YBEY: variants seen among roughly 807,000 people sequenced by gnomAD.
YBEY encodes the protein ybeY metalloendoribonuclease, also known as endoribonuclease YbeY.
Under a neutral mutation model 13.5 loss-of-function variants are expected in YBEY, and 15 were observed. That is an observed-to-expected ratio of 1.11 (90% confidence interval 0.75 to 1.72). The LOEUF is 1.72. Among genes scored for constraint, YBEY ranks in the 40% most tolerant of loss-of-function variants. The pLI, the probability that YBEY is intolerant of heterozygous loss-of-function variation, is 0.00. For missense variants in YBEY, 244 were observed against 208.4 expected, an observed-to-expected ratio of 1.17 and a Z score of -1.05; for synonymous variants, 101 against 83.1, an observed-to-expected ratio of 1.21 and a Z score of -1.17.
At chr21:46,298,725 G>T (rs369859654), downstream of YBEY, among the ~76,000 whole-genome samples, 1 of 151,296 alleles carries the variant, frequency 6.6e-6, no homozygotes, top group Non-Finnish European at 1.5e-5. Context: ...CACCACGCCC[G>T]GCCTGTTTTG....
chr21:46,294,845 C>T (rs2081896248), intron 3 of YBEY, among the ~76,000 whole-genome samples: 1 of 152,224 alleles, frequency 6.6e-6, no homozygotes, highest in Admixed American at 6.5e-5. Flanking sequence ...GCTGCACAGC[C>T]ATGCCCTGAA....
chr21:46,301,620 C>CT, downstream of YBEY: 3 of 1,035,400 alleles, frequency 2.9e-6, no homozygotes, highest in Non-Finnish European at 3.5e-6. Context: ...TGGATGAAAT[C>CT]TTTATTTCAT....
At chr21:46,297,799 C>G, downstream of YBEY, 1 of 1,221,544 alleles carries the variant, frequency 8.2e-7, no homozygotes, top group South Asian at 4.2e-5. Context: ...GGTTCCGAGC[C>G]GTGGCATCGA....
At chr21:46,298,308 CCT>C (rs1367551903), downstream of YBEY, among the ~76,000 whole-genome samples, 2 of 152,196 alleles carry the variant, frequency 1.3e-5, no homozygotes, top group Admixed American at 6.5e-5. Flanking sequence ...GGGCCAGGCC[CCT>C]CTGTTCCTGA....
At chr21:46,297,872 T>A, downstream of YBEY, 1 of 962,794 alleles carries the variant, frequency 1.0e-6, no homozygotes, top group South Asian at 5.3e-5. Context: ...AGCGCTCGCC[T>A]CTCGCCCTTC....
the YBEY span, among the ~76,000 whole-genome samples, chr21:46,303,734 TATATATATATA>T: frequency 0.017 from 428 of 25,720 alleles, 13 homozygotes; most frequent in Middle Eastern, 0.037. Flanking sequence ...TATATATATA[TATATATATATA>T]TTTTTTTTTT....
the YBEY span, chr21:46,311,704 C>G: frequency 8.5e-6 from 4 of 471,494 alleles, 1 homozygote; most frequent in Non-Finnish European, 1.2e-5. Flanking sequence ...ACCAACCAAC[C>G]AACCAACCAA....
the YBEY span, among the ~76,000 whole-genome samples, chr21:46,302,945 G>A: frequency 3.4e-5 from 5 of 146,608 alleles, no homozygotes; most frequent in African/African-American, 1.3e-4. Context: ...CCCGGGGCGC[G>A]CCCTGAGCCC....
chr21:46,297,585 C>A lies in YBEY; in HGVS notation c.455C>A (p.Thr152Lys). 2 of 1,386,284 alleles carry A rather than the reference C, an allele frequency of 1.4e-6. No homozygotes were observed. Among genetic ancestry groups the A allele is most frequent in the Non-Finnish European group, 9.5e-7 (1 of 1,055,524 alleles). The allele number at this position is 1,386,284 out of a possible 1,614,324, so 85.9% of individuals were successfully genotyped here. ...KAVLDELGRR[T>K]GTRLQPLTRG... ...GTGCTGGACGAGCTGGGCCGACGCA[C>A]GGGGACCCGGCTGCAGCCCCTGACC... Residue 152 changes from threonine (T) to lysine (K), a missense_variant, in exon 5 of 5, where the codon ACG becomes AAG. Physicochemically the swap from Thr to Lys is moderately conservative, Grantham distance 78. Transcript: ENST00000397701.
intron 3 of YBEY, 104 bp from the exon 4 acceptor site, chr21:46,296,058 T>G (rs1051415171): frequency 6.6e-6 from 8 of 1,216,694 alleles, no homozygotes; most frequent in Admixed American, 3.6e-5. Context: ...AACCCTGGGG[T>G]CCTGCAGCCA....
At chr21:46,304,496 A>T in the YBEY span, among the ~76,000 whole-genome samples, 1 of 152,060 alleles carries the variant, frequency 6.6e-6, no homozygotes, top group African/African-American at 2.4e-5. Context: ...TTAGAAAAAA[A>T]AAAACCTCAA....
chr21:46,295,318 T>G (rs1239992671), intron 3 of YBEY, among the ~76,000 whole-genome samples: 1 of 151,914 alleles, frequency 6.6e-6, no homozygotes, highest in East Asian at 1.9e-4. Context: ...TACCCTGCCT[T>G]GTCCTCCATG....
intron 3 of YBEY, among the ~76,000 whole-genome samples, chr21:46,294,403 C>T (rs569445193): frequency 1.2e-5 from 1 of 82,412 alleles, no homozygotes; most frequent in Non-Finnish European, 2.7e-5. Flanking sequence ...TGGGGACAGC[C>T]ACACAAGTTA....
At position 46,291,364 on chromosome 21, in the gene YBEY, G is replaced by C. The variant is rs1395260973; in HGVS notation, c.241G>C (p.Asp81His). Residue 81 changes from aspartate to histidine, a missense_variant, in exon 3 of 5, where the codon GAT becomes CAT. Coordinates refer to ENST00000397701, the MANE Select transcript of YBEY (RefSeq NM_001314025.2). ...HLKAGEFPQP[D>H]FPDDYNLGDI... ...GAAAGCAGGTGAATTTCCCCAGCCTGATTTTCCAGATGACTACAATTTGGG... is the reference window on the plus strand; with the variant it reads ...GAAAGCAGGTGAATTTCCCCAGCCTCATTTTCCAGATGACTACAATTTGGG... The C allele has an allele frequency of 1.9e-6, 3 of 1,613,982 alleles. No individual in the cohort carries two copies. The African/African-American group carries it at 4.0e-5, about 22-fold the overall frequency.
At chr21:46,288,720 C>T (rs4818832) in intron 2 of YBEY, among the ~76,000 whole-genome samples, 61,998 of 151,038 alleles carry the variant, frequency 0.41, 13,261 homozygotes, top group Admixed American at 0.48. Flanking sequence ...TGCTGAATCA[C>T]GTAAAAATGT....
intron 4 of YBEY, among the ~76,000 whole-genome samples, chr21:46,296,716 C>T (rs1016957415): frequency 3.9e-5 from 6 of 152,194 alleles, no homozygotes; most frequent in East Asian, 1.9e-4. Context: ...AAAGTTTGGC[C>T]GGGCGCAGTG....
At chr21:46,298,496 T>C (rs2082024764), downstream of YBEY, among the ~76,000 whole-genome samples, 1 of 140,252 alleles carries the variant, frequency 7.1e-6, no homozygotes, top group African/African-American at 2.6e-5. Context: ...TGGTGCGATC[T>C]CGGCTCACTA....
chr21:46,286,891 A>T lies in YBEY; in HGVS notation c.-23A>T, dbSNP rs199815026. On this transcript the variant is annotated 5_prime_UTR_variant, in exon 2 of 5. Transcript: ENST00000397701. ...CCAGGTTCCGTTGCAAACATTTTTA[A>T]AGGGCTGGTTATTCTTCCTGAAATG... 6.2e-7 allele frequency: 1 copy of T among 1,612,704 alleles called. No individual in the cohort carries two copies. Among genetic ancestry groups the T allele is most frequent in the East Asian group, 2.2e-5 (1 of 44,860 alleles).
At chr21:46,287,969 A>T (rs922340232) in intron 2 of YBEY, among the ~76,000 whole-genome samples, 2 of 151,816 alleles carry the variant, frequency 1.3e-5, no homozygotes, top group African/African-American at 4.8e-5. Flanking sequence ...CTGAGATCAC[A>T]CCATTGCACT....
Sources: allele counts gnomAD v4.1 joint callset (sites outside exome capture counted in the v4.1 genomes callset), GRCh38; gene constraint gnomAD v4.1.1; transcripts MANE v1.5; gene names NCBI Gene and HGNC (gene_info 2026-07-23, HGNC 2026-07-21).